Variants in NTNG1 observed in about 807,000 individuals in gnomAD.
NTNG1 encodes the protein netrin G1, also known as netrin-G1.
A neutral mutation model predicts 54.0 loss-of-function variants in NTNG1; 16 were observed. That is an observed-to-expected ratio of 0.30 (90% CI 0.20 to 0.45). The LOEUF is 0.45. Ranked by LOEUF, NTNG1 falls within the 20% of genes least tolerant of loss-of-function variation. NTNG1 has a pLI of 1.00. For missense variants in NTNG1, 530 were observed against 678.7 expected (o/e 0.78, Z 2.43); for synonymous variants, 255 against 263.1 (o/e 0.97, Z 0.30).
chr1:107,469,372 C>T (rs905486351), intron 7 of NTNG1, among the ~76,000 whole-genome samples: 2 of 152,154 alleles, frequency 1.3e-5, no homozygotes, highest in Admixed American at 1.3e-4. Flanking sequence ...TCTCCCATTC[C>T]CTGCCAAATA....
intron 1 of NTNG1, chr1:107,143,340 T>C (rs1220471260): frequency 6.6e-6 from 1 of 152,196 alleles, no homozygotes; most frequent in Non-Finnish European, 1.5e-5. Context: ...CAAATGTATT[T>C]TGCAGTTTCC....
intron 2 of NTNG1, among the ~76,000 whole-genome samples, chr1:107,302,391 G>C (rs991009649): frequency 1.3e-5 from 2 of 151,924 alleles, no homozygotes; most frequent in African/African-American, 2.4e-5. Context: ...TCCCCACTTT[G>C]TTCTCCATTG....
At chr1:107,417,605 C>G (rs775101044) in intron 5 of NTNG1, among the ~76,000 whole-genome samples, 12 of 151,986 alleles carry the variant, frequency 7.9e-5, no homozygotes, top group Admixed American at 2.0e-4. Context: ...GTCCACATAT[C>G]GGTGAGAAAA....
At chr1:107,202,606 T>G (rs1389952294) in intron 2 of NTNG1, among the ~76,000 whole-genome samples, 1 of 151,868 alleles carries the variant, frequency 6.6e-6, no homozygotes, top group East Asian at 1.9e-4. Context: ...TCTACTGGAT[T>G]GAAACTATAA....
intron 2 of NTNG1, among the ~76,000 whole-genome samples, chr1:107,270,497 T>C (rs1467767952): frequency 6.6e-6 from 1 of 152,230 alleles, no homozygotes; most frequent in Non-Finnish European, 1.5e-5. Flanking sequence ...GTTGTCATGA[T>C]GATAGAAATA....
At chr1:107,258,989 G>A (rs949337889) in intron 2 of NTNG1, among the ~76,000 whole-genome samples, 14 of 152,066 alleles carry the variant, frequency 9.2e-5, no homozygotes, top group African/African-American at 2.9e-4. Context: ...ATAAAGTAAG[G>A]CAATAATTTA....
intron 2 of NTNG1, among the ~76,000 whole-genome samples, chr1:107,156,875 A>G (rs1655042475): frequency 6.6e-6 from 1 of 152,192 alleles, no homozygotes; most frequent in African/African-American, 2.4e-5. Flanking sequence ...ACATGGTATT[A>G]AGCGAAGTCA....
intron 1 of NTNG1, among the ~76,000 whole-genome samples, chr1:107,146,083 A>G (rs996400196): frequency 2.6e-5 from 4 of 152,108 alleles, no homozygotes; most frequent in Non-Finnish European, 5.9e-5. Context: ...AGTGAAGACT[A>G]ATCTCAGGAA....
intron 2 of NTNG1, among the ~76,000 whole-genome samples, chr1:107,207,182 T>C (rs6583012): frequency 0.96 from 146,059 of 152,240 alleles, 70,351 homozygotes; most frequent in East Asian, 1. Context: ...CTTCCCAGTC[T>C]GACACAGCTT....
intron 7 of NTNG1, among the ~76,000 whole-genome samples, chr1:107,474,778 C>A (rs909237426): frequency 6.6e-6 from 1 of 152,146 alleles, no homozygotes; most frequent in African/African-American, 2.4e-5. Flanking sequence ...TGATAACAAA[C>A]CCTCTCCCAA....
intron 5 of NTNG1, among the ~76,000 whole-genome samples, chr1:107,424,800 G>A (rs1330003176): frequency 6.6e-6 from 1 of 152,090 alleles, no homozygotes; most frequent in Non-Finnish European, 1.5e-5. Flanking sequence ...ACTCTGAAGG[G>A]AGTCTCACTA....
intron 2 of NTNG1, among the ~76,000 whole-genome samples, chr1:107,242,273 A>G (rs1661887060): frequency 6.6e-6 from 1 of 152,140 alleles, no homozygotes. Flanking sequence ...GCAAGATTAC[A>G]CTACTACACT....
At chr1:107,220,149 A>G (rs565005203) in intron 2 of NTNG1, among the ~76,000 whole-genome samples, 1 of 152,260 alleles carries the variant, frequency 6.6e-6, no homozygotes, top group Admixed American at 6.5e-5. Flanking sequence ...TTGCCAGGGA[A>G]GAGGAGGAAG....
intron 7 of NTNG1, among the ~76,000 whole-genome samples, chr1:107,462,302 A>C (rs1404901043): frequency 6.6e-6 from 1 of 152,190 alleles, no homozygotes; most frequent in African/African-American, 2.4e-5. Context: ...GAAAAATAGC[A>C]AAGTAATTAA....
At position 107,420,744 on chromosome 1, in the gene NTNG1, C is replaced by A. The variant is rs139687340; in HGVS notation, c.1088-10006C>A. On this transcript the variant is annotated intron_variant, in intron 5 of 7. Transcript: ENST00000370068. ...TGGTGAACCCAGGCAATGATAATGT[C>A]AACTGACAAGACAACTCCTACTTTA... Among the ~76,000 whole-genome samples the A allele has an allele frequency of 4.4e-3, 669 of 152,052 alleles. 6 individuals carry two copies. Among genetic ancestry groups the A allele is most frequent in the African/African-American group, 0.015 (640 of 41,510 alleles).
chr1:107,331,489 T>C (rs1668277369), intron 3 of NTNG1, among the ~76,000 whole-genome samples: 1 of 152,270 alleles, frequency 6.6e-6, no homozygotes, highest in South Asian at 2.1e-4. Flanking sequence ...GTTTTACTAC[T>C]AAAATCAAAT....
chr1:107,271,877 T>C (rs1664165589), intron 2 of NTNG1, among the ~76,000 whole-genome samples: 1 of 152,164 alleles, frequency 6.6e-6, no homozygotes, highest in Non-Finnish European at 1.5e-5. Context: ...TTTAAATGCA[T>C]TTTAAAAAAT....
chr1:107,384,177 A>G (rs988495050), intron 3 of NTNG1, among the ~76,000 whole-genome samples: 3 of 152,134 alleles, frequency 2.0e-5, no homozygotes, highest in Admixed American at 6.6e-5. Flanking sequence ...TCTTCATTTT[A>G]TAGTCATGGT....
At chr1:107,251,506 AGTTAACAAATTG>A (rs1662604959) in intron 2 of NTNG1, among the ~76,000 whole-genome samples, 1 of 152,118 alleles carries the variant, frequency 6.6e-6, no homozygotes, top group African/African-American at 2.4e-5. Flanking sequence ...TTTTGCATCT[AGTTAACAAATTG>A]GTCAACAAAT....
Sources: allele counts gnomAD v4.1 joint callset (sites outside exome capture counted in the v4.1 genomes callset), GRCh38; gene constraint gnomAD v4.1.1; transcripts MANE v1.5; gene names NCBI Gene and HGNC (gene_info 2026-07-23, HGNC 2026-07-21).